The following CENPI variants were observed in gnomAD, a reference collection of about 807,000 sequenced individuals.
CENPI encodes the protein FSH primary response 1.
CENPI carries 4 observed loss-of-function variants against 60.4 expected under a neutral mutation model. The observed-to-expected ratio is 0.07, with a 90% confidence interval of 0.03 to 0.15. CENPI has a LOEUF of 0.15. Among genes scored for constraint, CENPI ranks in the 10% least tolerant of loss-of-function variants. The probability of loss-of-function intolerance (pLI) is 1.00; values close to 1 mark genes in which losing one functional copy is unlikely to be tolerated. For missense variants in CENPI, 444 were observed against 534.5 expected, an observed-to-expected ratio of 0.83 and a Z score of 1.67; for synonymous variants, 157 against 189.4, an observed-to-expected ratio of 0.83 and a Z score of 1.40.
the CENPI span, among the ~76,000 whole-genome samples, chrX:101,171,864 T>G: frequency 8.9e-6 from 1 of 111,820 alleles, no homozygotes; most frequent in Non-Finnish European, 1.9e-5. Flanking sequence ...TTAAAAACAT[T>G]TGTGCTTCAA....
chrX:101,126,738 G>T lies in CENPI; in HGVS notation c.717G>T (p.Leu239Phe). The change falls in exon 9 of 22, where the codon TTG becomes TTT. Residue 239 changes from leucine to phenylalanine, a missense_variant. Physicochemically the swap from Leu to Phe is conservative, Grantham distance 22 (BLOSUM62 0). Coordinates refer to ENST00000682095, the MANE Select transcript of CENPI (RefSeq NM_001386188.2). ...TGCAGCCTCATCTCCAGGCTTTGTT[G>T]TCACTGTATAAGTTCTTTGCTCCTG... Reference protein sequence around the residue: ...MGMQPHLQALLSLYKFFAPAL... With the variant: ...MGMQPHLQALFSLYKFFAPAL... The T allele has an allele frequency of 8.3e-7, 1 of 1,208,736 alleles. No individual in the cohort carries two copies. The highest frequency in any genetic ancestry group is 1.1e-6 in the Non-Finnish European group (1 of 893,339).
At chrX:101,159,879 G>T (rs984955623) in intron 20 of CENPI, among the ~76,000 whole-genome samples, 6 of 111,952 alleles carry the variant, frequency 5.4e-5, no homozygotes, top group Non-Finnish European at 3.8e-5. Flanking sequence ...GACAATTTGA[G>T]AATCAAGTTC....
intron 8 of CENPI, among the ~76,000 whole-genome samples, chrX:101,125,154 A>T (rs193105408): frequency 9.0e-6 from 1 of 110,874 alleles, no homozygotes; most frequent in Admixed American, 9.7e-5. Flanking sequence ...TTGCATCCCC[A>T]CTTTTTAGAG....
intron 18 of CENPI, among the ~76,000 whole-genome samples, 200 bp from the exon 19 acceptor site, chrX:101,147,563 C>CT (rs2089972887): frequency 8.9e-6 from 1 of 111,795 alleles, no homozygotes; most frequent in African/African-American, 3.2e-5. Context: ...AAGTGTACAA[C>CT]TTATTGAGCC....
intron 4 of CENPI, among the ~76,000 whole-genome samples, chrX:101,107,123 G>A (rs1262522845): frequency 1.9e-5 from 2 of 107,289 alleles, no homozygotes; most frequent in Non-Finnish European, 3.8e-5. Flanking sequence ...CTTTTTTGGG[G>A]TGAGTGGATG....
chrX:101,128,936 A>G lies in CENPI; in HGVS notation c.1195+100A>G, dbSNP rs762008533. On this transcript the variant is annotated intron_variant, in intron 12 of 21. Coordinates refer to ENST00000682095, the MANE Select transcript of CENPI (RefSeq NM_001386188.2). The stretch of plus-strand genomic sequence containing the variant: ...GCAGGAGCCTTCATATGCTGTAATT[A>G]TGTCTGTGGTAATCTTATATTTAGA... The G allele has an allele frequency of 1.5e-4, 98 of 664,060 alleles. No homozygotes were observed. The African/African-American group carries it at 1.9e-3, about 13-fold the overall frequency. 54.7% of individuals were successfully genotyped at this position (664,060 alleles called of 1,213,427 possible). A position where few individuals can be genotyped will look rare whatever the true frequency, so the allele number is the denominator to read the frequency against.
At chrX:101,157,642 C>CT (rs2090064645) in intron 20 of CENPI, among the ~76,000 whole-genome samples, 1 of 80,417 alleles carries the variant, frequency 1.2e-5, no homozygotes, top group Non-Finnish European at 2.3e-5. Flanking sequence ...AGAGTGAGAC[C>CT]TTGTCTCAAA....
downstream of CENPI, among the ~76,000 whole-genome samples, chrX:101,170,717 C>T (rs1298010055): frequency 9.0e-6 from 1 of 111,416 alleles, no homozygotes; most frequent in Non-Finnish European, 1.9e-5. Flanking sequence ...TCACTGTATC[C>T]TCAGCCTGGG....
chrX:101,150,955 T>A (rs748543640), intron 20 of CENPI, among the ~76,000 whole-genome samples: 1 of 111,336 alleles, frequency 9.0e-6, no homozygotes, highest in Non-Finnish European at 1.9e-5. Context: ...TTCTTCCTCA[T>A]ACTGCTTAGT....
rs1263380215 is a variant in CENPI, at chrX:101,140,659, C to T, written c.1471-7C>T. 1 of 1,151,053 alleles carries T rather than the reference C, an allele frequency of 8.7e-7. No homozygotes were observed. Among genetic ancestry groups the T allele is most frequent in the Non-Finnish European group, 1.2e-6 (1 of 842,522 alleles). The allele number at this position is 1,151,053 out of a possible 1,213,427, so 94.9% of individuals were successfully genotyped here. A position where few individuals can be genotyped will look rare whatever the true frequency, so the allele number is the denominator to read the frequency against. On this transcript the variant is annotated splice_polypyrimidine_tract_variant and splice_region_variant and intron_variant, in intron 15 of 21. Transcript: ENST00000682095. The stretch of plus-strand genomic sequence containing the variant: ...CATGAAATCTTTTTTCATTTTGTCC[C>T]CCTCAGTGTAGTGTGCTTCAGAGTC...
At chrX:101,143,898 T>C (rs1222593673) in intron 16 of CENPI, among the ~76,000 whole-genome samples, 10 of 111,606 alleles carry the variant, frequency 9.0e-5, no homozygotes, top group African/African-American at 3.3e-4. Flanking sequence ...TTTTGATTTG[T>C]GTACTGTAGG....
intron 11 of CENPI, 77 bp downstream of exon 11, chrX:101,127,742 G>T (rs771302248): frequency 1.2e-5 from 11 of 899,286 alleles, no homozygotes; most frequent in Non-Finnish European, 1.7e-5. Flanking sequence ...TTGTTTGTTT[G>T]TTTTGTTTTT....
intron 20 of CENPI, among the ~76,000 whole-genome samples, chrX:101,161,264 C>T (rs978942082): frequency 4.5e-5 from 5 of 112,213 alleles, no homozygotes; most frequent in African/African-American, 1.3e-4. Flanking sequence ...GTTGAGATTA[C>T]AGGCATGAGC....
At chrX:101,151,602 C>G (rs150065742) in intron 20 of CENPI, among the ~76,000 whole-genome samples, 20 of 110,948 alleles carry the variant, frequency 1.8e-4, no homozygotes, top group Non-Finnish European at 3.6e-4. Flanking sequence ...GAGGCCAAGG[C>G]GGGCAGATCA....
chrX:101,136,637 A>G (rs1428299607), intron 15 of CENPI, among the ~76,000 whole-genome samples: 1 of 111,972 alleles, frequency 8.9e-6, no homozygotes, highest in African/African-American at 3.2e-5. Flanking sequence ...TATGCCTATC[A>G]GCAAACAACT....
At chrX:101,154,512 C>T (rs1473665480) in intron 20 of CENPI, among the ~76,000 whole-genome samples, 1 of 110,706 alleles carries the variant, frequency 9.0e-6, no homozygotes, top group African/African-American at 3.3e-5. Flanking sequence ...ACCTGGGGGG[C>T]GGAGGTTGCG....
At chrX:101,162,770 G>C (rs1300752910) in intron 21 of CENPI, 63 bp from the exon 22 acceptor site, 1 of 1,145,542 alleles carries the variant, frequency 8.7e-7, no homozygotes. Flanking sequence ...GGAAAGAGGA[G>C]GAAATAGAGA....
intron 4 of CENPI, among the ~76,000 whole-genome samples, chrX:101,103,046 G>T (rs1240833579): frequency 3.8e-5 from 4 of 104,779 alleles, no homozygotes; most frequent in Non-Finnish European, 7.8e-5. Flanking sequence ...CCAGGCTGGA[G>T]TGCAGTGGCG....
In CENPI at chrX:101,132,246, C is replaced by G. The variant is rs1326054474; in HGVS notation, c.1344C>G (p.Gly448=). ...ATAAGAGCCTTCCTCTCTGGGATGG[C>G]CTTTGTTGTCGGTCACAGTTCCTTC... ...FLYKSLPLWD[G]LCCRSQFLQL... is the part of the protein sequence containing the mutation. Residue 448 remains glycine (G), a synonymous_variant, in exon 14 of 22, where the codon GGC becomes GGG. Transcript: ENST00000682095. The G allele has an allele frequency of 8.3e-7, 1 of 1,207,923 alleles. No homozygotes were observed. The highest frequency in any genetic ancestry group is 1.1e-6 in the Non-Finnish European group (1 of 894,358).
Sources: allele counts gnomAD v4.1 joint callset (sites outside exome capture counted in the v4.1 genomes callset), GRCh38; gene constraint gnomAD v4.1.1; transcripts MANE v1.5; gene names NCBI Gene and HGNC (gene_info 2026-07-23, HGNC 2026-07-21).